The following PDE1C variants were observed in gnomAD, a reference collection of about 807,000 sequenced individuals.
PDE1C encodes phosphodiesterase 1C.
In PDE1C, 62 loss-of-function variants were observed where a neutral mutation model predicts 93.1. The observed-to-expected ratio is 0.67, with a 90% CI of 0.54 to 0.82. The LOEUF is 0.82. Among genes scored for constraint, PDE1C ranks in the 40% least tolerant of loss-of-function variants. The pLI is 0.00. For missense variants in PDE1C, 742 were observed against 884.6 expected, an observed-to-expected ratio of 0.84 and a Z score of 2.04; for synonymous variants, 325 against 310.1, an observed-to-expected ratio of 1.05 and a Z score of -0.50.
chr7:32,348,704 C>A (rs556818715), intron 1 of PDE1C, among the ~76,000 whole-genome samples: 2 of 152,246 alleles, frequency 1.3e-5, no homozygotes, highest in African/African-American at 4.8e-5. Context: ...AGACAATAGA[C>A]TCAGCTTCAT....
Position 32,387,788 on chromosome 7 carries a change from C to T in PDE1C, c.310+40034G>A, listed in dbSNP as rs1337770337. 7.7e-5 allele frequency among the ~76,000 whole-genome samples: 11 copies of T among 143,714 alleles called. 1 individual carries two copies. Among genetic ancestry groups the T allele is most frequent in the African/African-American group, 1.3e-4 (5 of 37,138 alleles). 94.3% of individuals were successfully genotyped at this position (143,714 alleles called of 152,430 possible). ...GGCGCCCCTCACCTCCCGGACGGGGCGGCTGGCCGGGCGGGGGGCTGACCC... is the reference window on the plus strand; with the variant it reads ...GGCGCCCCTCACCTCCCGGACGGGGTGGCTGGCCGGGCGGGGGGCTGACCC... On this transcript the variant is annotated intron_variant, in intron 1 of 1. Transcript: ENST00000672256.
At chr7:32,182,159 T>C (rs1803488638) in intron 2 of PDE1C, among the ~76,000 whole-genome samples, 1 of 152,174 alleles carries the variant, frequency 6.6e-6, no homozygotes, top group South Asian at 2.1e-4. Flanking sequence ...CAATAATTAA[T>C]AGCTTACCAA....
chr7:31,636,337 A>G, the PDE1C span, among the ~76,000 whole-genome samples: 3 of 152,228 alleles, frequency 2.0e-5, no homozygotes, highest in African/African-American at 7.2e-5. Flanking sequence ...GTTCTAACGT[A>G]TAATTTCATC....
intron 3 of PDE1C, chr7:32,077,843 A>G (rs1390333138): frequency 3.0e-6 from 3 of 984,050 alleles, no homozygotes; most frequent in Admixed American, 6.1e-5. Context: ...TGCTGGGATT[A>G]CAGGCATACT....
intron 2 of PDE1C, among the ~76,000 whole-genome samples, chr7:31,986,621 C>T (rs1783424407): frequency 6.6e-6 from 1 of 151,942 alleles, no homozygotes; most frequent in Admixed American, 6.6e-5. Flanking sequence ...GAGAGAAGGC[C>T]ATGTGAAGCA....
intron 1 of PDE1C, among the ~76,000 whole-genome samples, chr7:32,327,267 A>G (rs1233084739): frequency 6.6e-6 from 1 of 152,196 alleles, no homozygotes. Flanking sequence ...GAAGCATAAC[A>G]TGTGCATAGA....
In PDE1C at chr7:32,202,336, C is replaced by T. The variant is rs113554937; in HGVS notation, c.136+7153G>A. Among the ~76,000 whole-genome samples the T allele has an allele frequency of 5.6e-4, 86 of 152,314 alleles. 1 individual carries two copies. The highest frequency in any genetic ancestry group is 1.9e-3 in the African/African-American group (80 of 41,574). On this transcript the variant is annotated intron_variant, in intron 2 of 18. Coordinates refer to the PDE1C transcript ENST00000396193. ...CAGTGTCCTGCCCCTTACCCCCATA[C>T]ACATGCCAGTCCATCACTCTGACCA... is the stretch of plus-strand genomic sequence containing the variant.
chr7:32,349,563 G>C lies in PDE1C; in HGVS notation c.310+78259C>G, dbSNP rs189852826. 4.3e-3 allele frequency among the ~76,000 whole-genome samples: 658 copies of C among 152,246 alleles called. 4 individuals carry two copies. The highest frequency in any genetic ancestry group is 7.1e-3 in the Non-Finnish European group (483 of 68,014). On this transcript the variant is annotated intron_variant, in intron 1 of 1. Transcript: ENST00000672256. ...TTTAAAGCAAAACATTTTCAAAATG[G>C]GCCTTTATGACATCTATTAAGTAAT... is the stretch of plus-strand genomic sequence containing the variant.
Position 32,308,114 on chromosome 7 carries a change from C to T in PDE1C, c.311-98575G>A, listed in dbSNP as rs140429568. Among the ~76,000 whole-genome samples, 1,258 of 152,374 alleles carry T rather than the reference C, an allele frequency of 8.3e-3. 10 individuals are homozygous for T. Among genetic ancestry groups the T allele is most frequent in the Non-Finnish European group, 0.014 (919 of 68,038 alleles). On this transcript the variant is annotated intron_variant, in intron 1 of 1. Transcript: ENST00000672256. The stretch of plus-strand genomic sequence containing the variant: ...CATGGCTCAGAGGGTCCAACGCCCA[C>T]GGAGTCTCGCTGATTGCTAGCACAG...
intron 1 of PDE1C, among the ~76,000 whole-genome samples, chr7:32,293,728 T>G (rs1812473407): frequency 6.6e-6 from 1 of 152,134 alleles, no homozygotes. Flanking sequence ...TGACTGACTC[T>G]GAGATACGAC....
chr7:31,693,216 G>A, the PDE1C span, among the ~76,000 whole-genome samples: 1 of 152,084 alleles, frequency 6.6e-6, no homozygotes, highest in Non-Finnish European at 1.5e-5. Flanking sequence ...AAGTGCAATT[G>A]AAGTAAAAGT....
At chr7:32,280,425 A>C (rs1409731014) in intron 1 of PDE1C, among the ~76,000 whole-genome samples, 1 of 152,226 alleles carries the variant, frequency 6.6e-6, no homozygotes, top group Non-Finnish European at 1.5e-5. Context: ...AACAGCCAAA[A>C]AATAGAGAAA....
chr7:31,847,009 G>C (rs538027076), intron 9 of PDE1C, among the ~76,000 whole-genome samples: 20 of 152,070 alleles, frequency 1.3e-4, no homozygotes, highest in Admixed American at 2.0e-4. Flanking sequence ...CCAATAAACA[G>C]CTGATTATTT....
intron 2 of PDE1C, among the ~76,000 whole-genome samples, chr7:31,917,787 T>A (rs1469182707): frequency 6.6e-6 from 1 of 152,182 alleles, no homozygotes; most frequent in Non-Finnish European, 1.5e-5. Flanking sequence ...GATATTCCTA[T>A]ATAATCATGA....
At chr7:31,793,926 CATGT>C (rs1784880026) in intron 16 of PDE1C, among the ~76,000 whole-genome samples, 1 of 151,652 alleles carries the variant, frequency 6.6e-6, no homozygotes, top group South Asian at 2.1e-4. Context: ...ATCCTCTCAT[CATGT>C]ATTATTCCAG....
the PDE1C span, among the ~76,000 whole-genome samples, chr7:31,708,886 A>G: frequency 0.038 from 5,788 of 152,230 alleles, 390 homozygotes; most frequent in African/African-American, 0.13. Context: ...CCAGCACTCC[A>G]TGCTCTGCTC....
chr7:32,257,313 C>T (rs943014489), intron 1 of PDE1C, among the ~76,000 whole-genome samples: 1 of 152,202 alleles, frequency 6.6e-6, no homozygotes, highest in Non-Finnish European at 1.5e-5. Context: ...CATCTCTATT[C>T]ACCTCTATTC....
chr7:32,086,423 TA>T (rs1797078849), intron 3 of PDE1C, among the ~76,000 whole-genome samples: 1 of 152,102 alleles, frequency 6.6e-6, no homozygotes, highest in Admixed American at 6.6e-5. Context: ...AAAATGGCCA[TA>T]CTGCCCAAGG....
At chr7:31,921,568 ATTTAACTCCTCATATCAAATCAT>A (rs1207044860) in intron 2 of PDE1C, among the ~76,000 whole-genome samples, 1 of 152,192 alleles carries the variant, frequency 6.6e-6, no homozygotes, top group Non-Finnish European at 1.5e-5. Context: ...TTTTGTAAAC[ATTTAACTCCTCATATCAAATCAT>A]CTCCTGCTGA....
Sources: gnomAD v4.1 joint callset for allele counts (sites outside exome capture counted in the v4.1 genomes callset) on GRCh38, gnomAD v4.1.1 for gene constraint, MANE v1.5 for transcripts, NCBI Gene and HGNC (gene_info 2026-07-23, HGNC 2026-07-21) for gene names.